The following CEP112 variants were observed in gnomAD, a reference collection of about 807,000 sequenced individuals.
The protein encoded by CEP112 is centrosomal protein of 112 kDa.
Under a neutral mutation model 153.0 loss-of-function variants are expected in CEP112, and 127 were observed. The ratio of observed to expected loss-of-function variants is 0.83; its 90% confidence interval spans 0.72 to 0.96. The LOEUF (loss-of-function observed/expected upper bound fraction) is 0.96. Among genes scored for constraint, CEP112 ranks in the 40% least tolerant of loss-of-function variants. CEP112 has a pLI of 0.00. For synonymous variants in CEP112, 358 were observed against 374.4 expected, an observed-to-expected ratio of 0.96 and a Z score of 0.51; for missense variants, 1,089 against 1,101.2, an observed-to-expected ratio of 0.99 and a Z score of 0.16.
intron 12 of CEP112, among the ~76,000 whole-genome samples, chr17:66,041,644 G>A (rs771871685): frequency 5.3e-5 from 8 of 152,084 alleles, no homozygotes; most frequent in Admixed American, 1.3e-4. Context: ...CATATAATCC[G>A]TATTGATGGG....
intron 23 of CEP112, among the ~76,000 whole-genome samples, chr17:65,718,458 T>C (rs185287506): frequency 6.6e-6 from 1 of 152,054 alleles, no homozygotes; most frequent in East Asian, 1.9e-4. Context: ...TAATCAATGA[T>C]GGGGTTTTTG....
intron 23 of CEP112, among the ~76,000 whole-genome samples, chr17:65,702,685 G>A (rs1296967736): frequency 1.3e-5 from 2 of 152,102 alleles, no homozygotes; most frequent in Non-Finnish European, 2.9e-5. Context: ...AGACATACCC[G>A]AGACTGGGTA....
At chr17:65,992,367 T>C (rs1947008) in intron 17 of CEP112, among the ~76,000 whole-genome samples, 88,898 of 151,952 alleles carry the variant, frequency 0.59, 27,398 homozygotes, top group African/African-American at 0.72. Context: ...GTTTTTCCAC[T>C]GTAATGGAAT....
At chr17:66,005,364 C>T (rs995751) in intron 17 of CEP112, among the ~76,000 whole-genome samples, 63,554 of 152,030 alleles carry the variant, frequency 0.42, 14,588 homozygotes, top group East Asian at 0.87. Flanking sequence ...ACAAAATCTA[C>T]GGAGGAATTT....
chr17:65,913,951 A>T, intron 19 of CEP112: 4 of 801,444 alleles, frequency 5.0e-6, no homozygotes, highest in Non-Finnish European at 6.0e-6. Flanking sequence ...TTTTTGAAAA[A>T]TGAGCTATTA....
intron 23 of CEP112, among the ~76,000 whole-genome samples, chr17:65,711,763 G>A (rs776375779): frequency 3.0e-4 from 45 of 152,072 alleles, no homozygotes; most frequent in Non-Finnish European, 5.7e-4. Context: ...TGAACAAATG[G>A]CAATAAAGTA....
intron 16 of CEP112, among the ~76,000 whole-genome samples, chr17:66,018,726 A>G (rs770805128): frequency 5.3e-5 from 8 of 152,214 alleles, no homozygotes; most frequent in South Asian, 2.1e-4. Flanking sequence ...CATTGGAATA[A>G]CTATATTTTA....
intron 21 of CEP112, among the ~76,000 whole-genome samples, chr17:65,831,329 G>A (rs4791122): frequency 0.027 from 4,046 of 152,182 alleles, 95 homozygotes; most frequent in South Asian, 0.059. Flanking sequence ...AGGCCGAGGC[G>A]GGTGGATCAC....
chr17:66,155,469 T>C (rs559305635), intron 4 of CEP112, among the ~76,000 whole-genome samples: 1 of 151,674 alleles, frequency 6.6e-6, no homozygotes, highest in East Asian at 1.9e-4. Context: ...GGTGGCTGTT[T>C]GGGCAGACAT....
At chr17:65,702,193 G>T (rs2048676859) in intron 23 of CEP112, among the ~76,000 whole-genome samples, 1 of 151,996 alleles carries the variant, frequency 6.6e-6, no homozygotes, top group South Asian at 2.1e-4. Flanking sequence ...TATTTGAAAT[G>T]ACTCCACTCT....
intron 23 of CEP112, among the ~76,000 whole-genome samples, chr17:65,734,645 T>C (rs975530447): frequency 1.9e-4 from 29 of 152,238 alleles, no homozygotes; most frequent in Admixed American, 1.4e-3. Context: ...TCTGATTTGA[T>C]AGAAGGCAGC....
chr17:65,892,521 A>AT lies in CEP112; in HGVS notation c.2163+9630dup, dbSNP rs534418263. 6.3e-3 allele frequency among the ~76,000 whole-genome samples: 929 copies of AT among 147,424 alleles called. 8 individuals carry two copies. Among genetic ancestry groups the AT allele is most frequent in the African/African-American group, 0.02 (819 of 40,448 alleles). On this transcript the variant is annotated intron_variant, in intron 20 of 26. Transcript: ENST00000535342. Reference sequence around the variant, plus strand: ...ACCAACATTATGGCAGTAGATGATGATTTTTTTTTTTTATTGTGTGCCACT... The same window carrying AT: ...ACCAACATTATGGCAGTAGATGATGATTTTTTTTTTTTTATTGTGTGCCACT...
intron 8 of CEP112, among the ~76,000 whole-genome samples, chr17:66,082,177 A>C (rs551318432): frequency 2.6e-5 from 4 of 152,254 alleles, no homozygotes; most frequent in Admixed American, 2.0e-4. Context: ...TTTCATTTTC[A>C]GTGAGAAAAC....
intron 21 of CEP112, among the ~76,000 whole-genome samples, chr17:65,760,179 A>G (rs2052528968): frequency 6.6e-6 from 1 of 152,124 alleles, no homozygotes. Flanking sequence ...TGGATTCTCT[A>G]TATAGACAAT....
intron 1 of CEP112, among the ~76,000 whole-genome samples, chr17:66,183,916 T>C (rs1035974636): frequency 1.3e-5 from 2 of 152,090 alleles, no homozygotes; most frequent in Non-Finnish European, 2.9e-5. Context: ...TGAGTAAGGC[T>C]AAGATTTCTT....
chr17:66,129,692 T>A, intron 6 of CEP112, 54 bp downstream of exon 6: 1 of 1,215,212 alleles, frequency 8.2e-7, no homozygotes, highest in Non-Finnish European at 1.2e-6. Flanking sequence ...ATTATACACA[T>A]ACAATATGAT....
chr17:65,853,445 T>A (rs1430676770), intron 20 of CEP112, among the ~76,000 whole-genome samples: 1 of 152,086 alleles, frequency 6.6e-6, no homozygotes, highest in Non-Finnish European at 1.5e-5. Context: ...AAAATTCTAT[T>A]TCCGGCCAGG....
intron 8 of CEP112, among the ~76,000 whole-genome samples, chr17:66,084,170 C>T (rs2146196079): frequency 6.6e-6 from 1 of 152,088 alleles, no homozygotes; most frequent in African/African-American, 2.4e-5. Context: ...CAAATGCTGG[C>T]AATGATGTGG....
chr17:65,783,014 C>T (rs2054084975), intron 21 of CEP112, among the ~76,000 whole-genome samples: 1 of 151,378 alleles, frequency 6.6e-6, no homozygotes, highest in South Asian at 2.1e-4. Flanking sequence ...AAATATAAGA[C>T]TATGCAAACT....
Sources: gnomAD v4.1 joint callset for allele counts (sites outside exome capture counted in the v4.1 genomes callset) on GRCh38, gnomAD v4.1.1 for gene constraint, MANE v1.5 for transcripts, NCBI Gene and HGNC (gene_info 2026-07-23, HGNC 2026-07-21) for gene names.